CNTNAP2: variants seen among roughly 807,000 people sequenced by gnomAD.
The protein encoded by CNTNAP2 is contactin-associated protein-like 2.
CNTNAP2 carries 98 observed loss-of-function variants against 155.2 expected under a neutral mutation model. The observed-to-expected ratio is 0.63, with a 90% CI of 0.54 to 0.75. The LOEUF is 0.75. CNTNAP2 is among the 30% of genes least tolerant of loss of function. The pLI is 0.00. For synonymous variants in CNTNAP2, 651 were observed against 631.2 expected (o/e 1.03, Z -0.47); for missense variants, 1,727 against 1,688.1 (o/e 1.02, Z -0.40).
intron 1 of CNTNAP2, among the ~76,000 whole-genome samples, chr7:146,267,645 C>T (rs1800017180): frequency 6.6e-6 from 1 of 152,082 alleles, no homozygotes; most frequent in Non-Finnish European, 1.5e-5. Context: ...GTGAAAGCGC[C>T]AGCTAATGAT....
chr7:147,500,185 A>G (rs1798785059), intron 11 of CNTNAP2, among the ~76,000 whole-genome samples: 1 of 151,762 alleles, frequency 6.6e-6, no homozygotes, highest in East Asian at 1.9e-4. Flanking sequence ...TATCACTGAC[A>G]TTTACTCTTT....
intron 15 of CNTNAP2, among the ~76,000 whole-genome samples, chr7:147,988,768 C>T (rs1192751893): frequency 6.6e-6 from 1 of 152,200 alleles, no homozygotes; most frequent in Non-Finnish European, 1.5e-5. Context: ...AATTTGGTTT[C>T]TCTGCTGAAC....
chr7:146,968,488 G>T (rs1797708600), intron 3 of CNTNAP2, among the ~76,000 whole-genome samples: 4 of 151,960 alleles, frequency 2.6e-5, no homozygotes, highest in South Asian at 2.1e-4. Flanking sequence ...CAATTTCAGA[G>T]CCTGTTATTG....
chr7:146,769,744 A>G (rs1802260392), intron 1 of CNTNAP2, among the ~76,000 whole-genome samples: 1 of 152,218 alleles, frequency 6.6e-6, no homozygotes, highest in South Asian at 2.1e-4. Context: ...GTAAAAGCTC[A>G]GATAGTAAAT....
intron 18 of CNTNAP2, among the ~76,000 whole-genome samples, chr7:148,191,871 T>G (rs1314160223): frequency 6.6e-6 from 1 of 152,204 alleles, no homozygotes; most frequent in African/African-American, 2.4e-5. Flanking sequence ...TTCTGTTTCC[T>G]TCCAGTGGTG....
At chr7:146,163,553 ATATCTATATC>A (rs1375201486) in intron 1 of CNTNAP2, among the ~76,000 whole-genome samples, 37 of 140,890 alleles carry the variant, frequency 2.6e-4, no homozygotes, top group African/African-American at 4.4e-4. Flanking sequence ...CTATATATCT[ATATCTATATC>A]TATCTATATC....
rs568851570 is a variant in CNTNAP2, at chr7:147,116,554, G to T, written c.755-4425G>T. The stretch of plus-strand genomic sequence containing the variant: ...CCCTGGGAAGAAGAATGGATGGGGG[G>T]ATGGGGCAGTTAAAGAAACAGTCTG... On this transcript the variant is annotated intron_variant, in intron 5 of 23. Transcript: ENST00000361727. Among the ~76,000 whole-genome samples, 9 of 152,036 alleles carry T rather than the reference G, an allele frequency of 5.9e-5. No homozygotes were observed. In the East Asian group the frequency reaches 1.7e-3, roughly 29 times the overall value.
intron 1 of CNTNAP2, among the ~76,000 whole-genome samples, chr7:146,304,884 T>C (rs1188007953): frequency 6.6e-6 from 1 of 152,114 alleles, no homozygotes; most frequent in African/African-American, 2.4e-5. Context: ...GGTTCCATTC[T>C]CCCCCTCACT....
chr7:147,428,235 C>A (rs1057088934), intron 10 of CNTNAP2, among the ~76,000 whole-genome samples: 1 of 152,152 alleles, frequency 6.6e-6, no homozygotes, highest in Admixed American at 6.5e-5. Flanking sequence ...TACAATGAAT[C>A]CTCAGCACTT....
intron 11 of CNTNAP2, among the ~76,000 whole-genome samples, chr7:147,552,762 C>G (rs1799876863): frequency 6.6e-6 from 1 of 152,172 alleles, no homozygotes; most frequent in South Asian, 2.1e-4. Context: ...AATGTTTAAA[C>G]AAGTGTTAGG....
At chr7:147,073,440 CTAAA>C (rs1177528454) in intron 4 of CNTNAP2, among the ~76,000 whole-genome samples, 2 of 151,928 alleles carry the variant, frequency 1.3e-5, no homozygotes, top group Admixed American at 6.6e-5. Flanking sequence ...GCGTGGATAA[CTAAA>C]TAAAGGAGTC....
intron 11 of CNTNAP2, among the ~76,000 whole-genome samples, chr7:147,502,056 G>T (rs1798824264): frequency 6.6e-6 from 1 of 152,058 alleles, no homozygotes; most frequent in African/African-American, 2.4e-5. Flanking sequence ...GAACATGGAT[G>T]AAAAAAAGTG....
chr7:146,653,349 G>T (rs529934654), intron 1 of CNTNAP2, among the ~76,000 whole-genome samples: 1 of 151,920 alleles, frequency 6.6e-6, no homozygotes, highest in African/African-American at 2.4e-5. Flanking sequence ...GGGCCTTTGC[G>T]GTGTGTCAAA....
intron 1 of CNTNAP2, among the ~76,000 whole-genome samples, chr7:146,679,419 G>A (rs1267106239): frequency 2.9e-5 from 4 of 136,132 alleles, no homozygotes; most frequent in East Asian, 4.4e-4. Flanking sequence ...GCAGTGGCTC[G>A]ATCTCGGCTC....
rs1344084277 is a variant in CNTNAP2, at chr7:146,928,915, G to C, written c.402+89011G>C. On this transcript the variant is annotated intron_variant, in intron 3 of 23. Transcript: ENST00000361727. The stretch of plus-strand genomic sequence containing the variant: ...GCCTGCCATTGCCCAGGCTTGCTTA[G>C]GTAAACAAAGCAGCCAGGAAGCTGG... 5.3e-5 allele frequency among the ~76,000 whole-genome samples: 8 copies of C among 152,344 alleles called. No homozygotes were observed. The East Asian group carries it at 9.7e-4, about 18-fold the overall frequency.
At position 147,136,613 on chromosome 7, in the gene CNTNAP2, T is replaced by G. The variant is rs111922094; in HGVS notation, c.1348+4104T>G. On this transcript the variant is annotated intron_variant, in intron 8 of 23. Transcript: ENST00000361727. ...TCAGTTCAATCTGGGCAAATGTGTT[T>G]GGGAACACTCCAGGCAGTGTCTATT... Among the ~76,000 whole-genome samples the G allele has an allele frequency of 2.0e-4, 30 of 152,042 alleles. 1 individual carries two copies. Among genetic ancestry groups the G allele is most frequent in the African/African-American group, 6.7e-4 (28 of 41,510 alleles).
chr7:147,418,214 C>G (rs1797231586), intron 10 of CNTNAP2, among the ~76,000 whole-genome samples: 1 of 152,054 alleles, frequency 6.6e-6, no homozygotes. Context: ...GATGGAAAGT[C>G]AAAAAGTTTG....
In CNTNAP2 at chr7:147,524,917, A is replaced by G. The variant is rs550740833; in HGVS notation, c.1778-37221A>G. 1.4e-3 allele frequency among the ~76,000 whole-genome samples: 211 copies of G among 152,306 alleles called. 1 individual carries two copies. Among genetic ancestry groups the G allele is most frequent in the African/African-American group, 4.8e-3 (199 of 41,570 alleles). The stretch of plus-strand genomic sequence containing the variant: ...GTTCAGTTTCTACTGAATAATTTCC[A>G]CCATTAAAAATGACTCCAAGCACTT... On this transcript the variant is annotated intron_variant, in intron 11 of 23. Transcript: ENST00000361727.
chr7:147,766,133 T>C (rs762058623), intron 13 of CNTNAP2, among the ~76,000 whole-genome samples: 2 of 152,150 alleles, frequency 1.3e-5, no homozygotes, highest in Non-Finnish European at 2.9e-5. Flanking sequence ...ATATTAAATG[T>C]CTTGATTGAG....
Sources: gnomAD v4.1 joint callset for allele counts (sites outside exome capture counted in the v4.1 genomes callset) on GRCh38, gnomAD v4.1.1 for gene constraint, MANE v1.5 for transcripts, NCBI Gene and HGNC (gene_info 2026-07-23, HGNC 2026-07-21) for gene names.